DNAJC16: variants seen among roughly 807,000 people sequenced by gnomAD.
The protein encoded by DNAJC16 is DnaJ heat shock protein family (Hsp40) member C16, also known as dnaJ homolog subfamily C member 16.
A neutral mutation model predicts 92.7 loss-of-function variants in DNAJC16; 76 were observed. The observed-to-expected ratio is 0.82, with a 90% CI of 0.68 to 0.99. The LOEUF is 0.99. Ranked by LOEUF, DNAJC16 falls within the 50% of genes least tolerant of loss-of-function variation. DNAJC16 has a pLI of 0.00. For missense variants in DNAJC16, 869 were observed against 942.4 expected (o/e 0.92, Z 1.02); for synonymous variants, 328 against 358.7 (o/e 0.91, Z 0.97).
intron 7 of DNAJC16, among the ~76,000 whole-genome samples, chr1:15,552,756 T>C (rs972141758): frequency 2.0e-5 from 3 of 150,888 alleles, no homozygotes. Flanking sequence ...TGTGTCTTTT[T>C]ATTATTATTA....
chr1:15,530,346 C>CA (rs397798733), intron 2 of DNAJC16, among the ~76,000 whole-genome samples: 88,756 of 148,266 alleles, frequency 0.6, 26,955 homozygotes, highest in African/African-American at 0.74. Context: ...AGACCCGTCT[C>CA]AAAAAAAAAA....
At chr1:15,546,459 G>A (rs1638311766) in intron 5 of DNAJC16, among the ~76,000 whole-genome samples, 1 of 152,134 alleles carries the variant, frequency 6.6e-6, no homozygotes, top group South Asian at 2.1e-4. Context: ...CTGCTGGCTA[G>A]TATATTAAGA....
At chr1:15,548,457 T>C in intron 7 of DNAJC16, 29 bp downstream of exon 7, 1 of 1,578,538 alleles carries the variant, frequency 6.3e-7, no homozygotes, top group Non-Finnish European at 8.6e-7. Context: ...GGTTAAGATT[T>C]TCTTCACATT....
chr1:15,555,794 C>A (rs1222166409), intron 7 of DNAJC16, among the ~76,000 whole-genome samples: 1 of 151,578 alleles, frequency 6.6e-6, no homozygotes, highest in Admixed American at 6.6e-5. Context: ...GAGTTCGAGA[C>A]CAGCCTGACC....
intron 4 of DNAJC16, among the ~76,000 whole-genome samples, chr1:15,543,463 A>G (rs1010091935): frequency 6.6e-6 from 1 of 152,190 alleles, no homozygotes. Flanking sequence ...GAGGAGTGGA[A>G]GAAGAGGGCA....
rs1265010895 is a variant in DNAJC16, at chr1:15,529,263, C to G, written c.158C>G (p.Ala53Gly). 1.9e-6 allele frequency: 3 copies of G among 1,607,444 alleles called. No individual in the cohort carries two copies. Among genetic ancestry groups the G allele is most frequent in the Non-Finnish European group, 2.6e-6 (3 of 1,175,074 alleles). ...ATTAAAAAGGCTTATAAGAAGCTCGCCCGGGAATGGTAGGTGAAACAAAGA... is the reference window on the plus strand; with the variant it reads ...ATTAAAAAGGCTTATAAGAAGCTCGGCCGGGAATGGTAGGTGAAACAAAGA... ...ADIKKAYKKL[A>G]REWHPDKNKD... Residue 53 changes from alanine to glycine, a missense_variant, in exon 2 of 15, where the codon GCC becomes GGC. Transcript: ENST00000375847.
chr1:15,553,643 A>G (rs1638499700), intron 7 of DNAJC16, among the ~76,000 whole-genome samples: 1 of 152,198 alleles, frequency 6.6e-6, no homozygotes, highest in East Asian at 1.9e-4. Flanking sequence ...ATTCTCACAC[A>G]ATGAACACAT....
chr1:15,565,957 C>A lies in DNAJC16; in HGVS notation c.1637C>A (p.Ala546Asp). Reference sequence around the variant, plus strand: ...CCCCTGCTGTCCCTGATCTTCTCTGCCCTCTTCATCCTCTTCGGCACTGTC... The same window carrying A: ...CCCCTGCTGTCCCTGATCTTCTCTGACCTCTTCATCCTCTTCGGCACTGTC... ...MMPLLSLIFS[A>D]LFILFGTVIV... The change falls in exon 12 of 15, where the codon GCC becomes GAC. Residue 546 changes from alanine (A) to aspartate (D), a missense_variant. Transcript: ENST00000375847. The A allele has an allele frequency of 1.2e-6, 2 of 1,613,566 alleles. No homozygotes were observed. The highest frequency in any genetic ancestry group is 1.7e-6 in the Non-Finnish European group (2 of 1,179,988).
Position 15,567,199 on chromosome 1 carries a change from C to T in DNAJC16, c.1879C>T (p.Leu627Phe). The T allele has an allele frequency of 6.2e-7, 1 of 1,614,090 alleles. No individual in the cohort carries two copies. Among genetic ancestry groups the T allele is most frequent in the Non-Finnish European group, 8.5e-7 (1 of 1,179,980 alleles). ...RLRPGHMNVV[L>F]ILSNSTKTSL... ...GAGGCCAGGCCACATGAATGTGGTC[C>T]TCATCCTGTCGAATTCTACCAAGAC... Residue 627 changes from leucine (L) to phenylalanine (F), a missense_variant, in exon 14 of 15, where the codon CTC (leucine) becomes TTC (phenylalanine). By Grantham distance (22) the Leu-to-Phe change is conservative. Transcript: ENST00000375847.
chr1:15,551,698 C>T (rs916681851), intron 7 of DNAJC16, among the ~76,000 whole-genome samples: 5 of 151,750 alleles, frequency 3.3e-5, no homozygotes, highest in African/African-American at 4.8e-5. Flanking sequence ...ACTGCAGTTC[C>T]GACTTCCTGG....
In DNAJC16 at chr1:15,536,567, G is replaced by A. The variant is rs759541665; in HGVS notation, c.327G>A (p.Glu109=). The change falls in exon 4 of 15, where the codon GAG becomes GAA. Residue 109 remains glutamate (E), a synonymous_variant. Transcript: ENST00000375847. ...ACCAGAAGCAGCAACAGCAGCGAGA[G>A]TATCGCTTCCGCCATTTCCATGAAA... is the stretch of plus-strand genomic sequence containing the variant. ...QGYQKQQQQR[E]YRFRHFHENF... is the part of the protein sequence containing the mutation. 3.1e-6 allele frequency: 5 copies of A among 1,614,052 alleles called. No individual in the cohort carries two copies. The highest frequency in any genetic ancestry group is 3.3e-5 in the Admixed American group (2 of 60,004).
intron 9 of DNAJC16, among the ~76,000 whole-genome samples, chr1:15,563,014 T>G (rs978880166): frequency 1.3e-5 from 2 of 151,014 alleles, no homozygotes; most frequent in African/African-American, 4.9e-5. Flanking sequence ...TCTGCCTCTT[T>G]AACTTCATCC....
At chr1:15,558,387 A>G (rs1429792722) in intron 7 of DNAJC16, among the ~76,000 whole-genome samples, 1 of 150,532 alleles carries the variant, frequency 6.6e-6, no homozygotes, top group African/African-American at 2.4e-5. Context: ...AGATCTCATT[A>G]TGTTGCCCAG....
rs1309562593 is a variant in DNAJC16, at chr1:15,534,221, C to G, written c.168-16C>G. On this transcript the variant is annotated splice_polypyrimidine_tract_variant and intron_variant, in intron 2 of 14. Transcript: ENST00000375847. ...AAGTTACATCCTTTCTCACCGCCTG[C>G]CTGTTTGTGTTTCAGGCATCCTGAC... is the stretch of plus-strand genomic sequence containing the variant. 2 of 1,613,696 alleles carry G rather than the reference C, an allele frequency of 1.2e-6. No homozygotes were observed. The highest frequency in any genetic ancestry group is 2.7e-5 in the African/African-American group (2 of 74,910).
rs1638949032 is a variant in DNAJC16, at chr1:15,571,609, T to C, written c.*3432T>C. On this transcript the variant is annotated 3_prime_UTR_variant, in exon 15 of 15. Coordinates refer to ENST00000375847, the MANE Select transcript of DNAJC16 (RefSeq NM_015291.4). Reference sequence around the variant, plus strand: ...AATAACTTATTTGGCAAATTGTTTCTTTTTTATGTTTTGGGTGTTGTTTTT... The same window carrying C: ...AATAACTTATTTGGCAAATTGTTTCCTTTTTATGTTTTGGGTGTTGTTTTT... 3 of 152,694 alleles carry C rather than the reference T, an allele frequency of 2.0e-5. No individual in the cohort carries two copies. The highest frequency in any genetic ancestry group is 4.4e-5 in the Non-Finnish European group (3 of 68,058). 9.5% of individuals were successfully genotyped at this position (152,694 alleles called of 1,614,324 possible).
chr1:15,568,594 C>A lies in DNAJC16; in HGVS notation c.*417C>A. 2.5e-6 allele frequency: 1 copy of A among 407,504 alleles called. No homozygotes were observed. The highest frequency in any genetic ancestry group is 1.1e-4 in the South Asian group (1 of 8,796). The allele number at this position is 407,504 out of a possible 1,614,324, so 25.2% of individuals were successfully genotyped here. On this transcript the variant is annotated 3_prime_UTR_variant, in exon 15 of 15. Coordinates refer to ENST00000375847, the MANE Select transcript of DNAJC16 (RefSeq NM_015291.4). Reference sequence around the variant, plus strand: ...AGGTCATTGGCCCCTTCCCCAATCCCGGCCCTGCTGTGCTGCTGCCATGGC... The same window carrying A: ...AGGTCATTGGCCCCTTCCCCAATCCAGGCCCTGCTGTGCTGCTGCCATGGC...
At position 15,567,268 on chromosome 1, in the gene DNAJC16, G is replaced by A. The variant is rs1369930551; in HGVS notation, c.1948G>A (p.Gly650Arg). ...KFALEVYTFT[G>R]SSCLHFSFLS... Reference sequence around the variant, plus strand: ...TGCTTTGGAGGTCTACACATTTACTGGGTAAGCATGTGTGTGTGTGCATGT... The same window carrying A: ...TGCTTTGGAGGTCTACACATTTACTAGGTAAGCATGTGTGTGTGTGCATGT... The change falls in exon 14 of 15, where the codon GGG (glycine) becomes AGG (arginine). Residue 650 changes from glycine (G) to arginine (R), a missense_variant and splice_region_variant. Transcript: ENST00000375847. 1.2e-6 allele frequency: 2 copies of A among 1,612,130 alleles called. No homozygotes were observed. The highest frequency in any genetic ancestry group is 3.3e-5 in the Admixed American group (2 of 59,982).
chr1:15,556,258 G>A (rs886644048), intron 7 of DNAJC16, among the ~76,000 whole-genome samples: 1 of 148,862 alleles, frequency 6.7e-6, no homozygotes, highest in African/African-American at 2.5e-5. Context: ...GTTTTAAGAC[G>A]GAGTCTTGCT....
chr1:15,531,070 C>T (rs890197528), intron 2 of DNAJC16, among the ~76,000 whole-genome samples: 1 of 152,218 alleles, frequency 6.6e-6, no homozygotes, highest in Non-Finnish European at 1.5e-5. Context: ...GTTTGACCCT[C>T]TGCATCAGTA....
Sources: allele counts gnomAD v4.1 joint callset (sites outside exome capture counted in the v4.1 genomes callset), GRCh38; gene constraint gnomAD v4.1.1; transcripts MANE v1.5; gene names NCBI Gene and HGNC (gene_info 2026-07-23, HGNC 2026-07-21).